The following FTO variants were observed in gnomAD, a reference collection of about 807,000 sequenced individuals.
FTO encodes FTO alpha-ketoglutarate dependent dioxygenase.
Under a neutral mutation model 63.9 loss-of-function variants are expected in FTO, and 47 were observed. The observed-to-expected ratio is 0.74, with a 90% CI of 0.58 to 0.94. The LOEUF is 0.94. Ranked by LOEUF, FTO falls within the 40% of genes least tolerant of loss-of-function variation. FTO has a pLI of 0.00. For synonymous variants in FTO, 207 were observed against 224.4 expected, an observed-to-expected ratio of 0.92 and a Z score of 0.69; for missense variants, 562 against 618.1, an observed-to-expected ratio of 0.91 and a Z score of 0.96.
intron 8 of FTO, among the ~76,000 whole-genome samples, chr16:54,065,059 C>T (rs1228940948): frequency 3.3e-5 from 5 of 151,604 alleles, no homozygotes; most frequent in Admixed American, 1.3e-4. Flanking sequence ...CACCAAGGCA[C>T]GTACCACTGA....
chr16:53,749,901 C>G (rs764720528), intron 1 of FTO, among the ~76,000 whole-genome samples: 1 of 152,080 alleles, frequency 6.6e-6, no homozygotes, highest in South Asian at 2.1e-4. Flanking sequence ...AATGAGATGA[C>G]CATCTGGTTT....
intron 8 of FTO, among the ~76,000 whole-genome samples, chr16:53,980,063 T>C (rs2083508471): frequency 6.6e-6 from 1 of 152,334 alleles, no homozygotes; most frequent in East Asian, 1.9e-4. Context: ...TTGCTTAGCT[T>C]AGCTTCATGT....
At chr16:53,777,956 C>A (rs1418263746) in intron 1 of FTO, among the ~76,000 whole-genome samples, 1 of 152,092 alleles carries the variant, frequency 6.6e-6, no homozygotes, top group Non-Finnish European at 1.5e-5. Flanking sequence ...CACACATGTA[C>A]TTTTGTTTGA....
At chr16:53,924,519 G>T (rs1208587312) in intron 7 of FTO, among the ~76,000 whole-genome samples, 2 of 151,866 alleles carry the variant, frequency 1.3e-5, no homozygotes, top group African/African-American at 4.8e-5. Context: ...TGCTTTGTTG[G>T]CAGCCTCTTG....
intron 8 of FTO, among the ~76,000 whole-genome samples, chr16:54,013,758 CG>C (rs1208356488): frequency 2.6e-5 from 4 of 152,138 alleles, no homozygotes; most frequent in Non-Finnish European, 5.9e-5. Context: ...GTATGTACAT[CG>C]TTTTTTACAC....
intron 2 of FTO, among the ~76,000 whole-genome samples, chr16:53,815,211 C>G (rs990853882): frequency 3.3e-5 from 5 of 152,100 alleles, no homozygotes; most frequent in Non-Finnish European, 7.4e-5. Flanking sequence ...CAAAGCGTGA[C>G]AGGATGTCAC....
In FTO at chr16:53,705,610, T is replaced by A. The variant is rs139658352; in HGVS notation, c.45+1381T>A. Among the ~76,000 whole-genome samples the A allele has an allele frequency of 5.2e-3, 792 of 152,334 alleles. 8 individuals are homozygous for A. The highest frequency in any genetic ancestry group is 0.018 in the African/African-American group (754 of 41,566). On this transcript the variant is annotated intron_variant, in intron 1 of 8. Coordinates refer to ENST00000471389, the MANE Select transcript of FTO (RefSeq NM_001080432.3). The stretch of plus-strand genomic sequence containing the variant: ...AGGATTTAAAATATAAAATCTGCTC[T>A]ATATTGACCTGAGTTATTGCAGTAT...
chr16:54,047,020 C>G (rs571438008), intron 8 of FTO, among the ~76,000 whole-genome samples: 1 of 147,612 alleles, frequency 6.8e-6, no homozygotes, highest in East Asian at 2.1e-4. Flanking sequence ...AGAAGAAAAC[C>G]TAGGCATTAC....
chr16:53,858,817 C>T (rs537231307), intron 4 of FTO, among the ~76,000 whole-genome samples: 27 of 152,082 alleles, frequency 1.8e-4, no homozygotes, highest in South Asian at 6.2e-4. Flanking sequence ...CGTGCCACCA[C>T]GCCCAGCTGA....
At chr16:53,905,570 A>G (rs146343979) in intron 7 of FTO, among the ~76,000 whole-genome samples, 1 of 152,280 alleles carries the variant, frequency 6.6e-6, no homozygotes, top group East Asian at 1.9e-4. Context: ...AGGTTTGTGC[A>G]TATGTATAAT....
chr16:53,918,301 G>A (rs1333068050), intron 7 of FTO, among the ~76,000 whole-genome samples: 1 of 152,172 alleles, frequency 6.6e-6, no homozygotes, highest in African/African-American at 2.4e-5. Flanking sequence ...AGGCTATATG[G>A]TGTAGTCTGT....
At chr16:53,734,908 T>C (rs182583572) in intron 1 of FTO, among the ~76,000 whole-genome samples, 1 of 152,320 alleles carries the variant, frequency 6.6e-6, no homozygotes, top group African/African-American at 2.4e-5. Context: ...CCTTATTATG[T>C]CCTATTGGCC....
At chr16:54,059,832 G>A (rs1336604985) in intron 8 of FTO, among the ~76,000 whole-genome samples, 4 of 152,166 alleles carry the variant, frequency 2.6e-5, no homozygotes, top group African/African-American at 9.7e-5. Context: ...TTAATTACTA[G>A]TACTAATGAG....
intron 7 of FTO, among the ~76,000 whole-genome samples, chr16:53,920,977 G>A (rs920380357): frequency 6.6e-6 from 1 of 152,128 alleles, no homozygotes; most frequent in African/African-American, 2.4e-5. Flanking sequence ...GGGTAGGTGG[G>A]TGGGGGTAGA....
chr16:53,956,410 G>A (rs1025821689), intron 8 of FTO, among the ~76,000 whole-genome samples: 5 of 152,070 alleles, frequency 3.3e-5, no homozygotes, highest in South Asian at 2.1e-4. Flanking sequence ...TCTCCAAATC[G>A]AGCAGGTAGT....
intron 8 of FTO, among the ~76,000 whole-genome samples, chr16:54,085,190 G>A (rs2086232591): frequency 6.6e-6 from 1 of 152,178 alleles, no homozygotes; most frequent in Non-Finnish European, 1.5e-5. Context: ...ACTTCTGTAG[G>A]AAAGAACTCT....
chr16:53,899,099 C>T (rs372255460), intron 7 of FTO, among the ~76,000 whole-genome samples: 10 of 152,288 alleles, frequency 6.6e-5, no homozygotes, highest in African/African-American at 2.4e-4. Flanking sequence ...TACCCCAAAA[C>T]GTCTTTAACT....
At position 54,115,060 on chromosome 16, in the gene FTO, T is replaced by C. The variant is rs2086965247; in HGVS notation, c.*3145T>C. ...CCTGCAGGGTCAAAGGAAGGCTTGC[T>C]TCTGCTGTGAATTGGAGAAGGACTT... On this transcript the variant is annotated 3_prime_UTR_variant, in exon 9 of 9. Coordinates refer to ENST00000471389, the MANE Select transcript of FTO (RefSeq NM_001080432.3). 6.6e-6 allele frequency: 1 copy of C among 152,230 alleles called. No homozygotes were observed. The highest frequency in any genetic ancestry group is 2.4e-5 in the African/African-American group (1 of 41,444). 9.4% of individuals were successfully genotyped at this position (152,230 alleles called of 1,614,324 possible).
Position 53,748,323 on chromosome 16 carries a change from A to G in FTO, c.45+44094A>G, listed in dbSNP as rs893339173. ...GGGATATCATTTACTTAGTTGTATC[A>G]TCTTCAGTATCTTTCATTAATGTTT... On this transcript the variant is annotated intron_variant, in intron 1 of 8. Coordinates refer to ENST00000471389, the MANE Select transcript of FTO (RefSeq NM_001080432.3). Among the ~76,000 whole-genome samples the G allele has an allele frequency of 2.0e-5, 3 of 152,130 alleles. No homozygotes were observed. In the East Asian group the frequency reaches 5.8e-4, roughly 29 times the overall value.
Sources: gnomAD v4.1 joint callset for allele counts (sites outside exome capture counted in the v4.1 genomes callset) on GRCh38, gnomAD v4.1.1 for gene constraint, MANE v1.5 for transcripts, NCBI Gene and HGNC (gene_info 2026-07-23, HGNC 2026-07-21) for gene names.